AASS: variants seen among roughly 807,000 people sequenced by gnomAD.
AASS encodes alpha-aminoadipic semialdehyde synthase, mitochondrial.
A neutral mutation model predicts 105.4 loss-of-function variants in AASS; 86 were observed. The ratio of observed to expected loss-of-function variants is 0.82; its 90% CI spans 0.69 to 0.98. The LOEUF is 0.98. Ranked by LOEUF, AASS falls within the 50% of genes least tolerant of loss-of-function variation. AASS has a pLI of 0.00. For missense variants in AASS, 1,048 were observed against 1,143.2 expected (o/e 0.92, Z 1.20); for synonymous variants, 381 against 394.8 (o/e 0.96, Z 0.41).
chr7:122,088,456 A>C, intron 18 of AASS, among the ~76,000 whole-genome samples: 1 of 152,114 alleles, frequency 6.6e-6, no homozygotes, highest in East Asian at 1.9e-4. Context: ...GGCAAATCTG[A>C]ACCCAGTTCT....
intron 20 of AASS, among the ~76,000 whole-genome samples, chr7:122,080,767 A>G (rs1453760600): frequency 6.6e-6 from 1 of 152,228 alleles, no homozygotes; most frequent in Non-Finnish European, 1.5e-5. Context: ...AGAATTCAAA[A>G]ATAATTTTTT....
chr7:122,079,438 C>G (rs1793198799), intron 21 of AASS, 159 bp downstream of exon 21: 2 of 1,106,332 alleles, frequency 1.8e-6, no homozygotes, highest in South Asian at 2.9e-5. Context: ...TTTATCTACT[C>G]TTTATGCCCA....
intron 1 of AASS, among the ~76,000 whole-genome samples, chr7:122,135,271 TAA>T (rs35382381): frequency 2.1e-5 from 3 of 145,688 alleles, no homozygotes; most frequent in Non-Finnish European, 1.5e-5. Context: ...CTTAAAGTAT[TAA>T]AAAAAAAAAA....
intron 15 of AASS, among the ~76,000 whole-genome samples, chr7:122,095,009 G>C (rs1794081807): frequency 6.6e-6 from 1 of 152,064 alleles, no homozygotes; most frequent in Admixed American, 6.6e-5. Flanking sequence ...TTTCTAAAGA[G>C]TTATTTTCCT....
At chr7:122,142,383 C>T (rs1796443772) in intron 1 of AASS, among the ~76,000 whole-genome samples, 1 of 152,148 alleles carries the variant, frequency 6.6e-6, no homozygotes, top group African/African-American at 2.4e-5. Flanking sequence ...TCCTCTGTCA[C>T]ACTGTAGTAA....
chr7:122,141,972 A>C (rs1796420787), intron 1 of AASS, among the ~76,000 whole-genome samples: 1 of 152,222 alleles, frequency 6.6e-6, no homozygotes, highest in Non-Finnish European at 1.5e-5. Context: ...GCTAAAGTAC[A>C]CCAAACAGGG....
intron 9 of AASS, among the ~76,000 whole-genome samples, 154 bp from the exon 10 acceptor site, chr7:122,113,874 T>C (rs1475718165): frequency 6.8e-6 from 1 of 148,002 alleles, no homozygotes; most frequent in African/African-American, 2.5e-5. Flanking sequence ...TTCAGGACTC[T>C]GCACTGTTCT....
chr7:122,122,549 G>A (rs1262052260), intron 4 of AASS, among the ~76,000 whole-genome samples: 3 of 152,158 alleles, frequency 2.0e-5, no homozygotes, highest in Non-Finnish European at 2.9e-5. Context: ...AAAATTATGA[G>A]TCTTGCAATG....
intron 11 of AASS, 99 bp downstream of exon 11, chr7:122,113,019 G>A: frequency 2.1e-6 from 2 of 943,436 alleles, no homozygotes; most frequent in Non-Finnish European, 3.4e-6. Context: ...TCATTTTACA[G>A]CAGATTTCTT....
intron 6 of AASS, 63 bp downstream of exon 6, chr7:122,118,244 C>G (rs993211785): frequency 6.3e-7 from 1 of 1,588,122 alleles, no homozygotes; most frequent in Admixed American, 1.7e-5. Context: ...TGGCTGCCCA[C>G]ATCATTTGGG....
intron 1 of AASS, among the ~76,000 whole-genome samples, chr7:122,143,240 T>C (rs1018699414): frequency 6.6e-6 from 1 of 152,242 alleles, no homozygotes; most frequent in African/African-American, 2.4e-5. Flanking sequence ...CAGCTGCACC[T>C]TCCCCACTGA....
At chr7:122,103,188 A>T (rs910825696) in intron 11 of AASS, among the ~76,000 whole-genome samples, 1 of 152,078 alleles carries the variant, frequency 6.6e-6, no homozygotes, top group African/African-American at 2.4e-5. Flanking sequence ...AAAACCAAAG[A>T]CAAATGATAT....
chr7:122,120,090 G>A (rs1426912531), intron 4 of AASS, among the ~76,000 whole-genome samples: 3 of 152,160 alleles, frequency 2.0e-5, no homozygotes, highest in African/African-American at 7.2e-5. Flanking sequence ...GTGTGTATCA[G>A]TATAGTCTTT....
chr7:122,120,004 T>G (rs1171289136), intron 4 of AASS, among the ~76,000 whole-genome samples: 2 of 152,190 alleles, frequency 1.3e-5, no homozygotes, highest in African/African-American at 4.8e-5. Flanking sequence ...CTCGTGTTGT[T>G]CAAGGGTCAA....
At chr7:122,113,394 T>C (rs1041389331) in intron 10 of AASS, among the ~76,000 whole-genome samples, 165 bp from the exon 11 acceptor site, 1 of 152,218 alleles carries the variant, frequency 6.6e-6, no homozygotes, top group Admixed American at 6.5e-5. Context: ...TTTTCCTTCT[T>C]CAGCAACCCA....
intron 2 of AASS, among the ~76,000 whole-genome samples, chr7:122,133,145 G>T (rs1314293717): frequency 6.6e-6 from 1 of 151,986 alleles, no homozygotes; most frequent in African/African-American, 2.4e-5. Flanking sequence ...GCTAAAATAG[G>T]AATGAGTCAA....
intron 2 of AASS, among the ~76,000 whole-genome samples, chr7:122,132,947 T>C (rs1231217118): frequency 6.6e-6 from 1 of 152,126 alleles, no homozygotes; most frequent in Non-Finnish European, 1.5e-5. Flanking sequence ...AATCTGAACA[T>C]AGACTATATA....
chr7:122,138,822 TAG>T (rs1309621005), intron 1 of AASS, among the ~76,000 whole-genome samples: 3 of 151,318 alleles, frequency 2.0e-5, no homozygotes, highest in East Asian at 1.9e-4. Flanking sequence ...CAGAGACAGA[TAG>T]AGAGAGAGAG....
chr7:122,084,848 T>C lies in AASS; in HGVS notation c.2184+1164A>G, dbSNP rs184184802. On this transcript the variant is annotated intron_variant, in intron 19 of 23. Transcript: ENST00000417368. ...ACACACATGAGACAAATCCCCTCTC[T>C]GGCCTTAGCCAGGAAATCTCACAAG... Among the ~76,000 whole-genome samples the C allele has an allele frequency of 4.0e-4, 61 of 152,144 alleles. No individual in the cohort carries two copies. The East Asian group carries it at 9.5e-3, about 24-fold the overall frequency.
Sources: allele counts gnomAD v4.1 joint callset (sites outside exome capture counted in the v4.1 genomes callset), GRCh38; gene constraint gnomAD v4.1.1; transcripts MANE v1.5; gene names NCBI Gene and HGNC (gene_info 2026-07-23, HGNC 2026-07-21).